RAB37: variants seen among roughly 807,000 people sequenced by gnomAD.
RAB37 encodes the protein ras-related protein Rab-37.
RAB37 carries 29 observed loss-of-function variants against 33.1 expected under a neutral mutation model. That is an observed-to-expected ratio of 0.88 (90% CI 0.65 to 1.20). The LOEUF (loss-of-function observed/expected upper bound fraction) is 1.20, where lower values mean the gene tolerates loss of function less well. RAB37 is among the 50% of genes most tolerant of loss of function. RAB37 has a pLI of 0.00. For synonymous variants in RAB37, 128 were observed against 119.5 expected (o/e 1.07, Z -0.47); for missense variants, 299 against 301.1 (o/e 0.99, Z 0.05).
chr17:74,673,463 A>C (rs2031752714), intron 1 of RAB37, among the ~76,000 whole-genome samples: 2 of 150,804 alleles, frequency 1.3e-5, no homozygotes, highest in Admixed American at 1.3e-4. Flanking sequence ...TTACAAATCA[A>C]TTACAAAATT....
chr17:74,729,108 G>A lies in RAB37; in HGVS notation c.73-148G>A. 1.5e-6 allele frequency: 1 copy of A among 663,510 alleles called. No homozygotes were observed. The highest frequency in any genetic ancestry group is 2.8e-6 in the Non-Finnish European group (1 of 355,986). 41.1% of individuals were successfully genotyped at this position (663,510 alleles called of 1,614,324 possible). On this transcript the variant is annotated intron_variant, in intron 1 of 7. Transcript: ENST00000340415. This position sits in a 1 kb window ranked among gnomAD's most constrained non-coding sequence, Gnocchi z 4.2. ...TTTCTATGTCTGTATGTGTGTGTCA[G>A]TGTCTTGTGTGTGTGTGTTTCTGTG...
chr17:74,712,426 C>T (rs1339418239), intron 1 of RAB37, among the ~76,000 whole-genome samples: 2 of 152,212 alleles, frequency 1.3e-5, no homozygotes, highest in Non-Finnish European at 2.9e-5. Context: ...TTTCAAAGTC[C>T]TCCAGCCTCA....
At chr17:74,731,815 C>T (rs2034387308) in intron 2 of RAB37, among the ~76,000 whole-genome samples, 1 of 152,022 alleles carries the variant, frequency 6.6e-6, no homozygotes, top group East Asian at 1.9e-4. Flanking sequence ...CAAGACCAGC[C>T]TGGCCAACAT....
intron 1 of RAB37, chr17:74,702,942 G>T: frequency 1.8e-6 from 2 of 1,099,206 alleles, no homozygotes; most frequent in Non-Finnish European, 2.7e-6. Flanking sequence ...GCAGGTCCCA[G>T]ACAAAGCTCA....
chr17:74,714,095 C>T (rs959894063), intron 1 of RAB37, among the ~76,000 whole-genome samples: 6 of 151,994 alleles, frequency 3.9e-5, no homozygotes, highest in Admixed American at 6.6e-5. Flanking sequence ...CCTGTAATCC[C>T]AGTGACTCGG....
At chr17:74,740,692 C>T (rs2034590366) in intron 1 of RAB37, 76 bp from the exon 2 acceptor site, 2 of 1,028,676 alleles carry the variant, frequency 1.9e-6, no homozygotes, top group Admixed American at 1.7e-5. Flanking sequence ...CTCTGATCCT[C>T]TCCATGTGTC....
At chr17:74,705,609 G>A (rs922321835) in intron 1 of RAB37, among the ~76,000 whole-genome samples, 1 of 151,466 alleles carries the variant, frequency 6.6e-6, no homozygotes, top group Non-Finnish European at 1.5e-5. Context: ...TTTGAAACAG[G>A]CTCTCACTCT....
At chr17:74,718,544 G>A (rs892690408) in intron 1 of RAB37, among the ~76,000 whole-genome samples, 5 of 152,044 alleles carry the variant, frequency 3.3e-5, no homozygotes, top group Admixed American at 3.3e-4. Flanking sequence ...TTGTTTTTAA[G>A]CACCTATTAA....
chr17:74,708,416 A>G (rs145920871), intron 1 of RAB37, among the ~76,000 whole-genome samples: 240 of 152,304 alleles, frequency 1.6e-3, no homozygotes, highest in African/African-American at 5.5e-3. Flanking sequence ...TCCCAAATCC[A>G]TTTCACGAGA....
rs529691440 is a variant in RAB37 at position 74,671,747 on chromosome 17, T to G, written c.72+89T>G. 27 of 1,152,796 alleles carry G rather than the reference T, an allele frequency of 2.3e-5. No individual in the cohort carries two copies. The highest frequency in any genetic ancestry group is 3.4e-5 in the Non-Finnish European group (26 of 771,734). 71.4% of individuals were successfully genotyped at this position (1,152,796 alleles called of 1,614,324 possible). A position where few individuals can be genotyped will look rare whatever the true frequency, so the allele number is the denominator to read the frequency against. ...CACTCCCCTGACTTTGCTTTGGGAC[T>G]TAATGAGAAACTAGCTTGTATCTGT... On this transcript the variant is annotated intron_variant, in intron 1 of 7. Coordinates refer to the RAB37 transcript ENST00000340415. This position sits in a 1 kb window ranked among gnomAD's most constrained non-coding sequence, Gnocchi z 5.0.
chr17:74,743,083 T>G (rs780263954), intron 3 of RAB37, 46 bp from the exon 4 acceptor site: 19 of 1,569,196 alleles, frequency 1.2e-5, no homozygotes, highest in Admixed American at 1.7e-5. Context: ...GCACATTCCT[T>G]GCACCTGCCT....
chr17:74,745,493 T>G lies in RAB37; in HGVS notation c.*82T>G. 2.6e-6 allele frequency: 3 copies of G among 1,152,356 alleles called. No individual in the cohort carries two copies. The African/African-American group carries it at 4.6e-5, about 18-fold the overall frequency. 71.4% of individuals were successfully genotyped at this position (1,152,356 alleles called of 1,614,324 possible). On this transcript the variant is annotated 3_prime_UTR_variant, in exon 9 of 9. Coordinates refer to ENST00000392613, the MANE Select transcript of RAB37 (RefSeq NM_001006638.3). The surrounding 1 kb of genome is among the most constrained non-coding windows in gnomAD (Gnocchi z 4.5). Reference sequence around the variant, plus strand: ...CCAGGCCTGGCTTATTCCAAGAGGCTGAGCCAATGGGGAGAAAGATGGAGG... The same window carrying G: ...CCAGGCCTGGCTTATTCCAAGAGGCGGAGCCAATGGGGAGAAAGATGGAGG...
intron 1 of RAB37, chr17:74,703,147 T>C: frequency 1.2e-6 from 2 of 1,611,348 alleles, no homozygotes; most frequent in Non-Finnish European, 1.7e-6. Flanking sequence ...GTCGACGCTG[T>C]AGTTGATGCT....
intron 1 of RAB37, among the ~76,000 whole-genome samples, chr17:74,702,332 A>G (rs2143721885): frequency 6.6e-6 from 1 of 152,124 alleles, no homozygotes; most frequent in South Asian, 2.1e-4. Context: ...AGAGACTTCC[A>G]TCCAAGCTCC....
At position 74,744,575 on chromosome 17, in the gene RAB37, T is replaced by G. The variant is rs922388730; in HGVS notation, c.432+202T>G. ...AAAGTCCAAGTTGTTGCCTGAGAAA[T>G]CAAGGGGTGCCCAGTTCTCAGCCCC... On this transcript the variant is annotated intron_variant, in intron 6 of 8. Transcript: ENST00000392613. The surrounding 1 kb of genome is among the most constrained non-coding windows in gnomAD (Gnocchi z 4.2). 4.7e-6 allele frequency: 3 copies of G among 637,444 alleles called. No individual in the cohort carries two copies. The highest frequency in any genetic ancestry group is 2.8e-5 in the Admixed American group (1 of 35,884). The allele number at this position is 637,444 out of a possible 1,614,324, so 39.5% of individuals were successfully genotyped here. A position where few individuals can be genotyped will look rare whatever the true frequency, so the allele number is the denominator to read the frequency against.
At chr17:74,692,136 G>C (rs1042203061) in intron 1 of RAB37, among the ~76,000 whole-genome samples, 1 of 151,982 alleles carries the variant, frequency 6.6e-6, no homozygotes, top group Non-Finnish European at 1.5e-5. Flanking sequence ...AAAGTGCTGG[G>C]ATTACAGGCA....
chr17:74,671,838 G>A lies in RAB37; in HGVS notation c.72+180G>A, dbSNP rs2031714031. 6.6e-6 allele frequency among the ~76,000 whole-genome samples: 1 copy of A among 152,124 alleles called. No homozygotes were observed. Among genetic ancestry groups the A allele is most frequent in the Admixed American group, 6.5e-5 (1 of 15,276 alleles). ...CAAAACAGAGATGCGTGAGCTCTTG[G>A]GGAAGGGCTGCCGCCAGAGGCTCAG... On this transcript the variant is annotated intron_variant, in intron 1 of 7. Transcript: ENST00000340415. This position sits in a 1 kb window ranked among gnomAD's most constrained non-coding sequence, Gnocchi z 5.0.
At chr17:74,713,534 T>C (rs1049892323) in intron 1 of RAB37, among the ~76,000 whole-genome samples, 35 of 151,748 alleles carry the variant, frequency 2.3e-4, no homozygotes, top group Non-Finnish European at 4.7e-4. Context: ...CCTCCAAACC[T>C]GGTGGGTTGG....
chr17:74,713,509 C>T (rs2034096600), intron 1 of RAB37, among the ~76,000 whole-genome samples: 1 of 152,010 alleles, frequency 6.6e-6, no homozygotes, highest in South Asian at 2.1e-4. Context: ...TGGGTCTGGC[C>T]AGCCCTTATC....
Sources: allele counts gnomAD v4.1 joint callset (sites outside exome capture counted in the v4.1 genomes callset), GRCh38; gene constraint gnomAD v4.1.1; non-coding constraint Gnocchi (gnomAD v3.1); transcripts MANE v1.5; gene names NCBI Gene and HGNC (gene_info 2026-07-23, HGNC 2026-07-21).